Variants in PTAR1 observed in about 807,000 individuals in gnomAD.
PTAR1 encodes protein prenyltransferase alpha subunit repeat containing 1.
PTAR1 carries 17 observed loss-of-function variants against 45.5 expected under a neutral mutation model. The observed-to-expected ratio is 0.37, with a 90% confidence interval of 0.26 to 0.56. The LOEUF (loss-of-function observed/expected upper bound fraction) is 0.56. Ranked by LOEUF, PTAR1 falls within the 20% of genes least tolerant of loss-of-function variation. The pLI is 0.77. For synonymous variants in PTAR1, 169 were observed against 171.3 expected (o/e 0.99, Z 0.11); for missense variants, 391 against 476.3 (o/e 0.82, Z 1.67).
At chr9:69,731,880 C>G (rs1448253967) in intron 5 of PTAR1, 2 of 486,968 alleles carry the variant, frequency 4.1e-6, no homozygotes, top group Non-Finnish European at 7.4e-6. Flanking sequence ...GTGAGTTATG[C>G]TCAATCTTCC....
At chr9:69,736,859 A>C (rs1825812706) in intron 3 of PTAR1, among the ~76,000 whole-genome samples, 1 of 152,156 alleles carries the variant, frequency 6.6e-6, no homozygotes, top group African/African-American at 2.4e-5. Flanking sequence ...ATTTTTGGGA[A>C]GACATCTTAG....
intron 1 of PTAR1, among the ~76,000 whole-genome samples, chr9:69,759,638 C>A (rs1211082785): frequency 6.6e-6 from 1 of 152,162 alleles, no homozygotes; most frequent in Non-Finnish European, 1.5e-5. Flanking sequence ...TTTGAGGTCA[C>A]TTCTAGGGAC....
At chr9:69,718,605 G>A (rs1824832222) in intron 7 of PTAR1, 37 bp from the exon 8 acceptor site, 1 of 1,613,250 alleles carries the variant, frequency 6.2e-7, no homozygotes, top group Non-Finnish European at 8.5e-7. Context: ...GTCCCCCCAG[G>A]GCTGTCTGCA....
Position 69,759,913 on chromosome 9 carries a change from G to T in PTAR1, c.26C>A (p.Ala9Glu), listed in dbSNP as rs755835716. The T allele has an allele frequency of 6.6e-7, 1 of 1,522,936 alleles. No homozygotes were observed. The highest frequency in any genetic ancestry group is 1.2e-5 in the South Asian group (1 of 81,396). The allele number at this position is 1,522,936 out of a possible 1,614,324, so 94.3% of individuals were successfully genotyped here. A position where few individuals can be genotyped will look rare whatever the true frequency, so the allele number is the denominator to read the frequency against. Reference sequence around the variant, plus strand: ...CTTCACAACCCGCTGCACCAGCACCGCCACCTCCTCGCTGGTCTCGGCCAT... The same window carrying T: ...CTTCACAACCCGCTGCACCAGCACCTCCACCTCCTCGCTGGTCTCGGCCAT... Reference protein sequence around the residue: MAETSEEVAVLVQRVVKDI... With the variant: MAETSEEVEVLVQRVVKDI... The change falls in exon 1 of 8, where the codon GCG (alanine) becomes GAG (glutamate). Residue 9 changes from alanine to glutamate, a missense_variant. Ala to Glu is a moderately radical substitution (Grantham distance 107, BLOSUM62 -1). This residue lies in a region of PTAR1 where 152 missense variants were observed against 160.0 expected (regional missense o/e 0.95). Transcript: ENST00000340434.
At chr9:69,732,099 G>T (rs373928824) in intron 5 of PTAR1, 40 bp downstream of exon 5, 121 of 1,437,338 alleles carry the variant, frequency 8.4e-5, no homozygotes, top group Non-Finnish European at 1.1e-4. Flanking sequence ...GATTTTAAGG[G>T]CAGACAGGCA....
intron 4 of PTAR1, 112 bp downstream of exon 4, chr9:69,734,038 T>C (rs1160028299): frequency 1.5e-6 from 1 of 667,292 alleles, no homozygotes. Flanking sequence ...TAACCTGACT[T>C]CAGAATTCAT....
At chr9:69,754,024 T>C (rs1335629168) in intron 1 of PTAR1, among the ~76,000 whole-genome samples, 1 of 152,194 alleles carries the variant, frequency 6.6e-6, no homozygotes, top group Non-Finnish European at 1.5e-5. Context: ...TCAAGTTATG[T>C]GACCCTAAGA....
chr9:69,753,269 C>A (rs927919702), intron 1 of PTAR1, among the ~76,000 whole-genome samples: 12 of 152,074 alleles, frequency 7.9e-5, no homozygotes, highest in Non-Finnish European at 1.3e-4. Flanking sequence ...AATTAAAAAA[C>A]ACACTGCTTT....
intron 6 of PTAR1, 110 bp downstream of exon 6, chr9:69,723,216 A>T: frequency 1.2e-6 from 1 of 861,556 alleles, no homozygotes; most frequent in Non-Finnish European, 1.9e-6. Flanking sequence ...CTCCACAATC[A>T]GATGACCATG....
At chr9:69,718,806 C>A in intron 6 of PTAR1, 122 bp from the exon 7 acceptor site, 2 of 645,752 alleles carry the variant, frequency 3.1e-6, no homozygotes, top group East Asian at 2.8e-5. Flanking sequence ...ATTTCATAAC[C>A]AAGTTATACA....
chr9:69,739,800 C>A (rs1219782425), intron 3 of PTAR1, among the ~76,000 whole-genome samples: 1 of 152,146 alleles, frequency 6.6e-6, no homozygotes, highest in African/African-American at 2.4e-5. Context: ...TACTAGAACA[C>A]ATATCCACAA....
At chr9:69,751,996 G>C (rs1826554687) in intron 1 of PTAR1, among the ~76,000 whole-genome samples, 1 of 152,072 alleles carries the variant, frequency 6.6e-6, no homozygotes, top group African/African-American at 2.4e-5. Context: ...TCTAAAGGAA[G>C]TTATAATTCT....
chr9:69,740,539 C>T (rs571454376), intron 3 of PTAR1, among the ~76,000 whole-genome samples: 2 of 151,986 alleles, frequency 1.3e-5, no homozygotes, highest in South Asian at 2.1e-4. Context: ...AATGGCATTC[C>T]TACTTCCCTA....
chr9:69,718,638 G>A lies in PTAR1; in HGVS notation c.982+12C>T. ...GCAGGTGACAACTGGGTCATGCTGT[G>A]AGGAAACCTACCATTTAAGTGATGC... On this transcript the variant is annotated intron_variant, in intron 7 of 7. Coordinates refer to ENST00000340434, the MANE Select transcript of PTAR1 (RefSeq NM_001099666.2). 1.2e-6 allele frequency: 2 copies of A among 1,607,490 alleles called. No homozygotes were observed. Among genetic ancestry groups the A allele is most frequent in the Non-Finnish European group, 8.5e-7 (1 of 1,176,464 alleles).
At chr9:69,725,743 G>A (rs187403493) in intron 5 of PTAR1, among the ~76,000 whole-genome samples, 61 of 151,920 alleles carry the variant, frequency 4.0e-4, no homozygotes, top group African/African-American at 1.4e-3. Context: ...GTATTCTCTT[G>A]TTAGAATAAA....
intron 1 of PTAR1, chr9:69,758,765 C>G: frequency 2.9e-6 from 1 of 341,558 alleles, no homozygotes; most frequent in Admixed American, 2.7e-5. Flanking sequence ...GGCAGAAAAG[C>G]TGAACCGGTT....
intron 7 of PTAR1, 35 bp downstream of exon 7, chr9:69,718,615 A>G: frequency 6.2e-7 from 1 of 1,613,158 alleles, no homozygotes; most frequent in Non-Finnish European, 8.5e-7. Flanking sequence ...GGCTGTCTGC[A>G]GGTGACAACT....
chr9:69,741,609 T>C, intron 3 of PTAR1, 183 bp downstream of exon 3: 1 of 560,840 alleles, frequency 1.8e-6, no homozygotes, highest in Non-Finnish European at 3.2e-6. Context: ...AGAAAGTTTA[T>C]GAAGACACCA....
chr9:69,729,579 A>G lies in PTAR1; in HGVS notation c.642+2560T>C, dbSNP rs182468607. On this transcript the variant is annotated intron_variant, in intron 5 of 7. Transcript: ENST00000340434. ...TTGAGCACTTAATTAAGGCACTTTG[A>G]TAGCCACTTTATATGAATCCTCCCT... Among the ~76,000 whole-genome samples, 769 of 152,166 alleles carry G rather than the reference A, an allele frequency of 5.1e-3. 8 individuals are homozygous for G. Among genetic ancestry groups the G allele is most frequent in the African/African-American group, 0.018 (735 of 41,472 alleles).
Sources: gnomAD v4.1 joint callset for allele counts (sites outside exome capture counted in the v4.1 genomes callset) on GRCh38, gnomAD v4.1.1 for gene constraint, gnomAD v4.1.1 regional missense constraint, MANE v1.5 for transcripts, NCBI Gene and HGNC (gene_info 2026-07-23, HGNC 2026-07-21) for gene names.